The following KCNT2 variants were observed in gnomAD, a reference collection of about 807,000 sequenced individuals.
KCNT2 encodes the protein potassium sodium-activated channel subfamily T member 2.
In KCNT2, 67 loss-of-function variants were observed where a neutral mutation model predicts 153.8. The ratio of observed to expected loss-of-function variants is 0.44; its 90% CI spans 0.36 to 0.53. The LOEUF (loss-of-function observed/expected upper bound fraction) is 0.53, where lower values mean the gene tolerates loss of function less well. Among genes scored for constraint, KCNT2 ranks in the 20% least tolerant of loss-of-function variants. The pLI, the probability that KCNT2 is intolerant of heterozygous loss-of-function variation, is 0.00. For missense variants in KCNT2, 975 were observed against 1,354.8 expected (o/e 0.72, Z 4.40); for synonymous variants, 500 against 458.8 (o/e 1.09, Z -1.15).
chr1:196,312,641 CACA>C, intron 21 of KCNT2, among the ~76,000 whole-genome samples: 1 of 151,856 alleles, frequency 6.6e-6, no homozygotes, highest in Middle Eastern at 3.4e-3. Context: ...TGAATGTTCA[CACA>C]ACATTACTTC....
intron 19 of KCNT2, among the ~76,000 whole-genome samples, chr1:196,322,074 T>A (rs1274361224): frequency 6.6e-6 from 1 of 151,966 alleles, no homozygotes; most frequent in Non-Finnish European, 1.5e-5. Context: ...TCCTACATTA[T>A]GTCCCCAAAG....
intron 25 of KCNT2, among the ~76,000 whole-genome samples, chr1:196,269,576 A>G (rs1571858204): frequency 6.6e-6 from 1 of 152,126 alleles, no homozygotes; most frequent in East Asian, 1.9e-4. Flanking sequence ...ATTAGCTATC[A>G]TGGAGGCCAA....
rs139748477 is a variant in KCNT2, at chr1:196,228,567, A to T, written c.3297-232T>A. Among the ~76,000 whole-genome samples, 3 of 152,224 alleles carry T rather than the reference A, an allele frequency of 2.0e-5. No homozygotes were observed. In the East Asian group the frequency reaches 5.8e-4, roughly 29 times the overall value. ...TATGATGATGAATGCTGATGAATCA[A>T]GCACTATTATTTTTCTTCTTCATCT... On this transcript the variant is annotated intron_variant, in intron 27 of 27. Transcript: ENST00000294725.
chr1:196,275,557 A>G (rs16839716), intron 25 of KCNT2, among the ~76,000 whole-genome samples: 7,393 of 151,996 alleles, frequency 0.049, 281 homozygotes, highest in Non-Finnish European at 0.071. Flanking sequence ...GCTAAACATT[A>G]GGCAGTGCTT....
intron 8 of KCNT2, among the ~76,000 whole-genome samples, chr1:196,438,884 T>A (rs572493755): frequency 6.6e-6 from 1 of 151,904 alleles, no homozygotes; most frequent in Non-Finnish European, 1.5e-5. Context: ...AAAAATCCAA[T>A]AGAATTTTCT....
chr1:196,274,609 AG>A (rs1255468506), intron 25 of KCNT2, among the ~76,000 whole-genome samples: 1 of 151,842 alleles, frequency 6.6e-6, no homozygotes, highest in East Asian at 1.9e-4. Context: ...CCATTGTAAT[AG>A]TAAAGTGTTA....
chr1:196,530,764 C>T (rs1345416675), intron 1 of KCNT2, among the ~76,000 whole-genome samples: 2 of 152,028 alleles, frequency 1.3e-5, no homozygotes. Context: ...ACATCTCTAT[C>T]ACAAGATTTA....
chr1:196,343,644 A>C (rs1665874626), intron 14 of KCNT2, among the ~76,000 whole-genome samples: 1 of 152,170 alleles, frequency 6.6e-6, no homozygotes, highest in Non-Finnish European at 1.5e-5. Context: ...ATATTTTCTA[A>C]GTATGCCTCA....
At chr1:196,272,298 T>C (rs1305303658) in intron 25 of KCNT2, among the ~76,000 whole-genome samples, 2 of 151,690 alleles carry the variant, frequency 1.3e-5, no homozygotes, top group Middle Eastern at 3.2e-3. Flanking sequence ...ATCATGTGAG[T>C]AAAGAAAAAT....
At chr1:196,514,125 TG>T (rs1178639294) in intron 1 of KCNT2, among the ~76,000 whole-genome samples, 18 of 152,190 alleles carry the variant, frequency 1.2e-4, no homozygotes, top group Admixed American at 1.1e-3. Flanking sequence ...GATCTAAAAT[TG>T]TGAGGGCAGG....
intron 1 of KCNT2, among the ~76,000 whole-genome samples, chr1:196,576,088 A>G (rs201948617): frequency 0.055 from 8,116 of 147,246 alleles, 732 homozygotes; most frequent in African/African-American, 0.2. Flanking sequence ...ATATATATAT[A>G]TATGTGTGTG....
intron 14 of KCNT2, among the ~76,000 whole-genome samples, chr1:196,349,751 C>A (rs1435757881): frequency 6.6e-6 from 1 of 151,626 alleles, no homozygotes; most frequent in East Asian, 1.9e-4. Flanking sequence ...TACATGTGCA[C>A]AATGTGCACG....
chr1:196,282,244 A>G, intron 24 of KCNT2, 29 bp downstream of exon 24: 1 of 1,242,024 alleles, frequency 8.1e-7, no homozygotes, highest in Non-Finnish European at 1.2e-6. Context: ...TATCACAACT[A>G]TCTTTTATTC....
intron 12 of KCNT2, among the ~76,000 whole-genome samples, chr1:196,406,314 T>A (rs1671824047): frequency 6.6e-6 from 1 of 151,532 alleles, no homozygotes; most frequent in Admixed American, 6.6e-5. Flanking sequence ...GTAATTGATG[T>A]CTTTAGAGAA....
intron 26 of KCNT2, chr1:196,257,638 G>T: frequency 1.1e-6 from 1 of 948,696 alleles, no homozygotes; most frequent in Non-Finnish European, 1.3e-6. Context: ...TGTCTATATG[G>T]CAATTATGGA....
intron 1 of KCNT2, among the ~76,000 whole-genome samples, chr1:196,551,707 G>C (rs1305757992): frequency 6.6e-6 from 1 of 151,514 alleles, no homozygotes; most frequent in African/African-American, 2.4e-5. Context: ...CTTTTTTTAT[G>C]TGTTTTTCTG....
intron 22 of KCNT2, among the ~76,000 whole-genome samples, chr1:196,303,125 G>C (rs1661337724): frequency 1.3e-5 from 2 of 151,968 alleles, no homozygotes; most frequent in African/African-American, 4.8e-5. Flanking sequence ...CTTGTAACTG[G>C]AAATCCTTTC....
At chr1:196,562,558 G>A (rs1196641722) in intron 1 of KCNT2, among the ~76,000 whole-genome samples, 2 of 151,998 alleles carry the variant, frequency 1.3e-5, no homozygotes, top group Non-Finnish European at 1.5e-5. Context: ...GAAAGGAGCA[G>A]CAAATATGGG....
chr1:196,270,828 GGTGTGTGT>G (rs10641279), intron 25 of KCNT2, among the ~76,000 whole-genome samples: 1 of 148,032 alleles, frequency 6.8e-6, no homozygotes, highest in African/African-American at 2.5e-5. Context: ...TCAACATGCA[GGTGTGTGT>G]GTGTGTGTGT....
Sources: gnomAD v4.1 joint callset for allele counts (sites outside exome capture counted in the v4.1 genomes callset) on GRCh38, gnomAD v4.1.1 for gene constraint, MANE v1.5 for transcripts, NCBI Gene and HGNC (gene_info 2026-07-23, HGNC 2026-07-21) for gene names.